Variants in MYO10 observed in about 807,000 individuals in gnomAD.
The protein encoded by MYO10 is myosin X, also known as unconventional myosin-X.
In MYO10, 133 loss-of-function variants were observed where a neutral mutation model predicts 257.3. The ratio of observed to expected loss-of-function variants is 0.52; its 90% CI spans 0.45 to 0.60. MYO10 has a LOEUF of 0.60. Among genes scored for constraint, MYO10 ranks in the 20% least tolerant of loss-of-function variants. The pLI is 0.00. For missense variants in MYO10, 2,399 were observed against 2,635.7 expected, an observed-to-expected ratio of 0.91 and a Z score of 1.97; for synonymous variants, 1,104 against 1,028.6, an observed-to-expected ratio of 1.07 and a Z score of -1.40.
chr5:16,865,811 GATAATA>G (rs5866211), intron 2 of MYO10, among the ~76,000 whole-genome samples: 14 of 142,644 alleles, frequency 9.8e-5, no homozygotes, highest in African/African-American at 3.6e-4. Flanking sequence ...ACTCCGTCTC[GATAATA>G]ATAATAATAA....
intron 1 of MYO10, among the ~76,000 whole-genome samples, chr5:16,880,305 A>G (rs1289191817): frequency 6.6e-6 from 1 of 152,034 alleles, no homozygotes; most frequent in African/African-American, 2.4e-5. Flanking sequence ...AGGAATCCCC[A>G]GAAGGAGGTT....
At chr5:16,705,082 T>C (rs1453848582) in intron 21 of MYO10, among the ~76,000 whole-genome samples, 1 of 152,072 alleles carries the variant, frequency 6.6e-6, no homozygotes, top group Non-Finnish European at 1.5e-5. Context: ...GATTCAGAGA[T>C]ACAGAAAGCA....
intron 1 of MYO10, among the ~76,000 whole-genome samples, chr5:16,918,657 C>G (rs373447486): frequency 6.6e-6 from 1 of 152,030 alleles, no homozygotes; most frequent in Non-Finnish European, 1.5e-5. Flanking sequence ...TGCACCATCA[C>G]GCCTGGCTAA....
intron 19 of MYO10, among the ~76,000 whole-genome samples, chr5:16,713,150 C>T (rs1419720898): frequency 6.6e-6 from 1 of 152,318 alleles, no homozygotes. Context: ...ACTTGATGCG[C>T]AAAGACTTTC....
At chr5:16,855,042 A>C (rs1743921147) in intron 2 of MYO10, among the ~76,000 whole-genome samples, 1 of 148,478 alleles carries the variant, frequency 6.7e-6, no homozygotes, top group African/African-American at 2.5e-5. Context: ...CAAAAAAAAA[A>C]ACCAAAAAAA....
In MYO10 at chr5:16,762,527, T is replaced by C. The variant is rs575361670; in HGVS notation, c.1587+18A>G. 3 of 1,567,632 alleles carry C rather than the reference T, an allele frequency of 1.9e-6. No individual in the cohort carries two copies. The highest frequency in any genetic ancestry group is 2.3e-5 in the South Asian group (2 of 86,144). ...CGTGCTACTCCAATGTGATGAAGAA[T>C]TGCAGGTTTTGACATACCGCATGCT... On this transcript the variant is annotated intron_variant, in intron 15 of 40. Coordinates refer to ENST00000513610, the MANE Select transcript of MYO10 (RefSeq NM_012334.3).
chr5:16,670,115 C>T (rs548888292), intron 39 of MYO10, among the ~76,000 whole-genome samples: 326 of 152,198 alleles, frequency 2.1e-3, no homozygotes, highest in African/African-American at 7.7e-3. Flanking sequence ...AATTCCATTA[C>T]GAGATAGACA....
chr5:16,867,843 G>A (rs949528377), intron 2 of MYO10, among the ~76,000 whole-genome samples: 1 of 152,180 alleles, frequency 6.6e-6, no homozygotes, highest in Non-Finnish European at 1.5e-5. Flanking sequence ...ACCAAGCTTA[G>A]TTATCCTTGT....
chr5:16,827,068 A>G (rs551202542), intron 2 of MYO10, among the ~76,000 whole-genome samples: 1 of 152,228 alleles, frequency 6.6e-6, no homozygotes, highest in Admixed American at 6.5e-5. Flanking sequence ...GCCTTTTCCT[A>G]TTGTTTTTGC....
Position 16,702,614 on chromosome 5 carries a change from A to C in MYO10, c.2511-26T>G, listed in dbSNP as rs754126952. 12 of 1,558,778 alleles carry C rather than the reference A, an allele frequency of 7.7e-6. 1 individual carries two copies. In the South Asian group the frequency reaches 1.4e-4, roughly 18 times the overall value. On this transcript the variant is annotated intron_variant, in intron 23 of 40. Coordinates refer to ENST00000513610, the MANE Select transcript of MYO10 (RefSeq NM_012334.3). ...CTAAAAATAGTAAAGGAAAAGTGAAAATCAACAACAATAACCCTGGAACCA... is the reference window on the plus strand; with the variant it reads ...CTAAAAATAGTAAAGGAAAAGTGAACATCAACAACAATAACCCTGGAACCA...
rs60471415 is a variant in MYO10 at position 16,906,957 on chromosome 5, C to T, written c.21+28831G>A. 6.8e-3 allele frequency among the ~76,000 whole-genome samples: 1,033 copies of T among 151,924 alleles called. 15 individuals are homozygous for T. The highest frequency in any genetic ancestry group is 0.023 in the African/African-American group (957 of 41,440). On this transcript the variant is annotated intron_variant, in intron 1 of 40. Coordinates refer to ENST00000513610, the MANE Select transcript of MYO10 (RefSeq NM_012334.3). ...TGAAACCCCGTCTCTACTAAAAATA[C>T]AAAAAAATTAGCCAGGCATGATGGC...
chr5:16,935,256 G>A (rs1422505558), intron 1 of MYO10, among the ~76,000 whole-genome samples: 1 of 152,070 alleles, frequency 6.6e-6, no homozygotes, highest in Non-Finnish European at 1.5e-5. Context: ...CCTTAAAAGA[G>A]CACTTCTCGG....
At chr5:16,878,811 T>C (rs183503410) in intron 1 of MYO10, among the ~76,000 whole-genome samples, 14 of 152,140 alleles carry the variant, frequency 9.2e-5, no homozygotes, top group Admixed American at 7.9e-4. Context: ...AATGACATGA[T>C]GGACTTTGGG....
In MYO10 at chr5:16,665,370, G is replaced by A. The variant is rs963987232; in HGVS notation, c.*1322C>T. The A allele has an allele frequency of 6.6e-5, 10 of 152,180 alleles. No homozygotes were observed. Among genetic ancestry groups the A allele is most frequent in the African/African-American group, 2.4e-4 (10 of 41,434 alleles). 9.4% of individuals were successfully genotyped at this position (152,180 alleles called of 1,614,324 possible). A position where few individuals can be genotyped will look rare whatever the true frequency, so the allele number is the denominator to read the frequency against. On this transcript the variant is annotated 3_prime_UTR_variant, in exon 41 of 41. Transcript: ENST00000513610. Reference sequence around the variant, plus strand: ...ACAGTTTTGCATGGTTGTACACAAAGGGACAAGGCAAATTTCTTTTTTCGT... The same window carrying A: ...ACAGTTTTGCATGGTTGTACACAAAAGGACAAGGCAAATTTCTTTTTTCGT...
chr5:16,900,408 T>G (rs1301120447), intron 1 of MYO10, among the ~76,000 whole-genome samples: 1 of 152,156 alleles, frequency 6.6e-6, no homozygotes, highest in Non-Finnish European at 1.5e-5. Context: ...TTGCAGGGGC[T>G]ACAGGTTAGA....
At chr5:16,805,117 G>A (rs1032290720) in intron 3 of MYO10, among the ~76,000 whole-genome samples, 3 of 152,152 alleles carry the variant, frequency 2.0e-5, no homozygotes, top group East Asian at 3.9e-4. Context: ...GCAGCTGGAG[G>A]TGGGGAAAGA....
intron 17 of MYO10, among the ~76,000 whole-genome samples, chr5:16,759,334 T>C (rs886767697): frequency 1.3e-5 from 2 of 152,186 alleles, no homozygotes; most frequent in African/African-American, 4.8e-5. Context: ...CTTCTGAGCA[T>C]CTGCCTCCCC....
At chr5:16,761,801 C>T (rs1489163460) in intron 16 of MYO10, among the ~76,000 whole-genome samples, 1 of 152,014 alleles carries the variant, frequency 6.6e-6, no homozygotes, top group Non-Finnish European at 1.5e-5. Flanking sequence ...AGATGTGTCA[C>T]CATGCCAGGC....
chr5:16,793,536 T>A (rs1306794185), intron 4 of MYO10, among the ~76,000 whole-genome samples: 1 of 152,128 alleles, frequency 6.6e-6, no homozygotes, highest in East Asian at 1.9e-4. Context: ...TTGGCCAGGC[T>A]GGTCTCCAAC....
Sources: gnomAD v4.1 joint callset for allele counts (sites outside exome capture counted in the v4.1 genomes callset) on GRCh38, gnomAD v4.1.1 for gene constraint, MANE v1.5 for transcripts, NCBI Gene and HGNC (gene_info 2026-07-23, HGNC 2026-07-21) for gene names.